The following YBEY variants were observed in gnomAD, a reference collection of about 807,000 sequenced individuals.
YBEY encodes endoribonuclease YbeY.
A neutral mutation model predicts 13.5 loss-of-function variants in YBEY; 15 were observed. That is an observed-to-expected ratio of 1.11 (90% CI 0.75 to 1.72). YBEY has a LOEUF of 1.72. Ranked by LOEUF, YBEY falls within the 40% of genes most tolerant of loss-of-function variation. The pLI is 0.00. For synonymous variants in YBEY, 101 were observed against 83.1 expected (o/e 1.21, Z -1.17); for missense variants, 244 against 208.4 (o/e 1.17, Z -1.05).
chr21:46,294,309 CGGGA>C (rs1238783248), intron 3 of YBEY, among the ~76,000 whole-genome samples: 11 of 91,126 alleles, frequency 1.2e-4, no homozygotes, highest in Non-Finnish European at 2.4e-4. Flanking sequence ...GACCCGTGCC[CGGGA>C]CTCAGTGGAG....
intron 2 of YBEY, among the ~76,000 whole-genome samples, chr21:46,290,891 C>A (rs1201831186): frequency 6.6e-6 from 1 of 151,260 alleles, no homozygotes; most frequent in Non-Finnish European, 1.5e-5. Flanking sequence ...ACTAAAAATA[C>A]AAAATTAGCC....
At chr21:46,299,109 T>C (rs1601613062), downstream of YBEY, among the ~76,000 whole-genome samples, 2 of 150,646 alleles carry the variant, frequency 1.3e-5, no homozygotes, top group East Asian at 2.0e-4. Flanking sequence ...TTGTACTACA[T>C]GTGTGTGCCA....
chr21:46,297,544 C>T lies in YBEY; in HGVS notation c.414C>T (p.Phe138=). ...HGTEAEWQQM[F]QKEKAVLDEL... ...GCGCGCTTCCTTCCTTCCAGATGTTCCAGAAGGAGAAGGCGGTGCTGGACG... is the reference window on the plus strand; with the variant it reads ...GCGCGCTTCCTTCCTTCCAGATGTTTCAGAAGGAGAAGGCGGTGCTGGACG... The change falls in exon 5 of 5, where the codon TTC becomes TTT. Residue 138 remains phenylalanine (F), a synonymous_variant. Coordinates refer to ENST00000397701, the MANE Select transcript of YBEY (RefSeq NM_001314025.2). The T allele has an allele frequency of 1.4e-6, 2 of 1,395,706 alleles. No individual in the cohort carries two copies. Among genetic ancestry groups the T allele is most frequent in the East Asian group, 6.0e-5 (2 of 33,362 alleles). The allele number at this position is 1,395,706 out of a possible 1,614,324, so 86.5% of individuals were successfully genotyped here.
chr21:46,305,111 G>A, the YBEY span, among the ~76,000 whole-genome samples: 1 of 152,134 alleles, frequency 6.6e-6, no homozygotes, highest in Non-Finnish European at 1.5e-5. Context: ...CTGACACATC[G>A]AACACAGTCA....
rs1345726616 is a variant in YBEY, at chr21:46,293,354, CAG to C, written c.339+1893_339+1894del. The stretch of plus-strand genomic sequence containing the variant: ...GTTAGCCTGACCCGTGCCCGGGACT[CAG>C]TGGAGTCAGCCACGCAAGTTAGACT... On this transcript the variant is annotated intron_variant, in intron 3 of 4. Transcript: ENST00000397701. Among the ~76,000 whole-genome samples, 71 of 35,448 alleles carry C rather than the reference CAG, an allele frequency of 2.0e-3. 1 individual carries two copies. Among genetic ancestry groups the C allele is most frequent in the Non-Finnish European group, 2.6e-3 (39 of 14,894 alleles). The allele number at this position is 35,448 out of a possible 152,430, so 23.3% of individuals were successfully genotyped here. A position where few individuals can be genotyped will look rare whatever the true frequency, so the allele number is the denominator to read the frequency against.
the YBEY span, among the ~76,000 whole-genome samples, chr21:46,304,134 C>A: frequency 7.0e-6 from 1 of 142,508 alleles, no homozygotes; most frequent in African/African-American, 2.6e-5. Flanking sequence ...TCATGCCATT[C>A]TCCCACCTTA....
At chr21:46,301,493 G>A, downstream of YBEY, 1 of 984,190 alleles carries the variant, frequency 1.0e-6, no homozygotes, top group Non-Finnish European at 1.2e-6. Context: ...GGTGTCCCTA[G>A]TTATTAAATT....
Position 46,297,593 on chromosome 21 carries a change from C to T in YBEY, c.463C>T (p.Arg155Trp), listed in dbSNP as rs1193396658. ...LDELGRRTGT[R>W]LQPLTRGLFG... ...CGAGCTGGGCCGACGCACGGGGACCCGGCTGCAGCCCCTGACCCGGGGCCT... is the reference window on the plus strand; with the variant it reads ...CGAGCTGGGCCGACGCACGGGGACCTGGCTGCAGCCCCTGACCCGGGGCCT... Residue 155 changes from arginine (R) to tryptophan (W), a missense_variant, in exon 5 of 5, where the codon CGG becomes TGG. Arg to Trp is a moderately radical substitution (Grantham distance 101, BLOSUM62 -3). Coordinates refer to ENST00000397701, the MANE Select transcript of YBEY (RefSeq NM_001314025.2). 2.2e-6 allele frequency: 3 copies of T among 1,379,278 alleles called. No homozygotes were observed. Among genetic ancestry groups the T allele is most frequent in the African/African-American group, 3.0e-5 (2 of 66,964 alleles). 85.4% of individuals were successfully genotyped at this position (1,379,278 alleles called of 1,614,324 possible). A position where few individuals can be genotyped will look rare whatever the true frequency, so the allele number is the denominator to read the frequency against.
chr21:46,295,748 G>C (rs1342529831), intron 3 of YBEY, among the ~76,000 whole-genome samples: 1 of 152,178 alleles, frequency 6.6e-6, no homozygotes, highest in Non-Finnish European at 1.5e-5. Flanking sequence ...TGGACCTGGG[G>C]TGTGGGCTGT....
downstream of YBEY, among the ~76,000 whole-genome samples, chr21:46,302,750 C>G (rs1371948745): frequency 8.0e-6 from 1 of 125,548 alleles, no homozygotes; most frequent in Non-Finnish European, 1.7e-5. Flanking sequence ...GCCCTGAGCC[C>G]GTCTGCACAC....
the YBEY span, among the ~76,000 whole-genome samples, chr21:46,308,914 C>A: frequency 6.6e-6 from 1 of 152,176 alleles, no homozygotes; most frequent in Admixed American, 6.5e-5. Context: ...CGTGATGCCT[C>A]CAGACTCTGC....
chr21:46,300,431 C>CA (rs894633978), downstream of YBEY: 378 of 199,372 alleles, frequency 1.9e-3, no homozygotes, highest in South Asian at 4.0e-3. Context: ...AACTCTGTCT[C>CA]AAAAAAAAAC....
At chr21:46,304,610 G>A in the YBEY span, among the ~76,000 whole-genome samples, 1 of 152,218 alleles carries the variant, frequency 6.6e-6, no homozygotes, top group African/African-American at 2.4e-5. Flanking sequence ...AATGAAAAGT[G>A]TGAAAATGCC....
the YBEY span, chr21:46,312,968 C>T: frequency 2.2e-5 from 22 of 983,876 alleles, no homozygotes; most frequent in Non-Finnish European, 2.5e-5. Context: ...GCCAAATATT[C>T]GAGCATGAAA....
chr21:46,310,598 T>C, the YBEY span, among the ~76,000 whole-genome samples: 1 of 150,976 alleles, frequency 6.6e-6, no homozygotes, highest in Non-Finnish European at 1.5e-5. Flanking sequence ...CACCTGAGGT[T>C]GGGAGTTCAA....
chr21:46,298,514 C>T (rs1429262160), downstream of YBEY, among the ~76,000 whole-genome samples: 2 of 139,412 alleles, frequency 1.4e-5, no homozygotes, highest in African/African-American at 2.6e-5. Flanking sequence ...CTACAGGCTC[C>T]GCCCGCCGGG....
chr21:46,294,585 C>T (rs1204208564), intron 3 of YBEY, among the ~76,000 whole-genome samples: 13 of 78,364 alleles, frequency 1.7e-4, no homozygotes, highest in East Asian at 6.3e-4. Context: ...ATTCCTCCCG[C>T]GGTTAGCCTG....
Position 46,297,597 on chromosome 21 carries a change from T to C in YBEY, c.467T>C (p.Leu156Pro), listed in dbSNP as rs558114426. ...DELGRRTGTR[L>P]QPLTRGLFGG... The stretch of plus-strand genomic sequence containing the variant: ...CTGGGCCGACGCACGGGGACCCGGC[T>C]GCAGCCCCTGACCCGGGGCCTCTTC... Residue 156 changes from leucine (L) to proline (P), a missense_variant, in exon 5 of 5, where the codon CTG (leucine) becomes CCG (proline). Transcript: ENST00000397701. 3.6e-6 allele frequency: 5 copies of C among 1,380,030 alleles called. No individual in the cohort carries two copies. The South Asian group carries it at 5.0e-5, about 14-fold the overall frequency. 85.5% of individuals were successfully genotyped at this position (1,380,030 alleles called of 1,614,324 possible).
chr21:46,311,743 CCACCCACTCATCCAT>C, the YBEY span: 1 of 445,840 alleles, frequency 2.2e-6, no homozygotes, highest in Non-Finnish European at 4.1e-6. Context: ...AACCAACCAT[CCACCCACTCATCCAT>C]CCACCCATCC....
Sources: gnomAD v4.1 joint callset for allele counts (sites outside exome capture counted in the v4.1 genomes callset) on GRCh38, gnomAD v4.1.1 for gene constraint, MANE v1.5 for transcripts, NCBI Gene and HGNC (gene_info 2026-07-23, HGNC 2026-07-21) for gene names.